ZBTB20: variants seen among roughly 807,000 people sequenced by gnomAD.
The protein encoded by ZBTB20 is zinc finger and BTB domain containing 20.
Under a neutral mutation model 56.9 loss-of-function variants are expected in ZBTB20, and 9 were observed. The observed-to-expected ratio is 0.16, with a 90% CI of 0.10 to 0.28. The LOEUF (loss-of-function observed/expected upper bound fraction) is 0.28, where lower values mean the gene tolerates loss of function less well. ZBTB20 is among the 10% of genes least tolerant of loss of function. The probability of loss-of-function intolerance (pLI) is 1.00; values close to 1 mark genes in which losing one functional copy is unlikely to be tolerated. For synonymous variants in ZBTB20, 417 were observed against 420.7 expected (o/e 0.99, Z 0.11); for missense variants, 655 against 1,003.0 (o/e 0.65, Z 4.69).
At chr3:114,922,298 C>A (rs796800618) in intron 3 of ZBTB20, among the ~76,000 whole-genome samples, 5 of 152,134 alleles carry the variant, frequency 3.3e-5, no homozygotes, top group African/African-American at 4.8e-5. Flanking sequence ...CTCACTATTT[C>A]TATTAAACAT....
intron 6 of ZBTB20, among the ~76,000 whole-genome samples, chr3:114,656,980 A>G (rs2108043904): frequency 6.6e-6 from 1 of 152,292 alleles, no homozygotes; most frequent in Admixed American, 6.5e-5. Context: ...ATATATTTAT[A>G]ATTTCTGCTT....
At chr3:114,933,597 G>T (rs2076431039) in intron 3 of ZBTB20, among the ~76,000 whole-genome samples, 1 of 152,200 alleles carries the variant, frequency 6.6e-6, no homozygotes, top group African/African-American at 2.4e-5. Flanking sequence ...GTGAGTGGTG[G>T]AAGGAAACAG....
chr3:114,693,926 A>T (rs2062844255), intron 5 of ZBTB20, among the ~76,000 whole-genome samples: 1 of 152,118 alleles, frequency 6.6e-6, no homozygotes. Flanking sequence ...AACCACTGTA[A>T]ACCACTAGGA....
intron 4 of ZBTB20, among the ~76,000 whole-genome samples, chr3:114,849,495 T>C (rs2074887909): frequency 6.6e-6 from 1 of 152,214 alleles, no homozygotes; most frequent in Non-Finnish European, 1.5e-5. Flanking sequence ...CATAGCAAAC[T>C]ATAAGTCTTA....
intron 6 of ZBTB20, among the ~76,000 whole-genome samples, chr3:114,657,799 TG>T (rs1335764135): frequency 3.9e-5 from 6 of 151,936 alleles, no homozygotes; most frequent in Middle Eastern, 3.4e-3. Flanking sequence ...ATAATTGTGG[TG>T]TTTTTTTTTT....
chr3:114,728,120 A>G (rs1325501921), intron 5 of ZBTB20, among the ~76,000 whole-genome samples: 1 of 152,228 alleles, frequency 6.6e-6, no homozygotes, highest in Non-Finnish European at 1.5e-5. Flanking sequence ...CAACAACATG[A>G]GGCCTCTAAT....
At position 114,335,082 on chromosome 3, in the gene ZBTB20, T is replaced by C. The variant is rs2079404983; in HGVS notation, c.*3923A>G. The C allele has an allele frequency of 6.6e-6, 1 of 152,136 alleles. No individual in the cohort carries two copies. The highest frequency in any genetic ancestry group is 1.5e-5 in the Non-Finnish European group (1 of 68,016). 9.4% of individuals were successfully genotyped at this position (152,136 alleles called of 1,614,324 possible). ...TGTTTTTAGTGGTAGAAAATATTAT[T>C]TTTTTATAAACCATATCTAAATATC... On this transcript the variant is annotated 3_prime_UTR_variant, in exon 12 of 12. Transcript: ENST00000675478.
At chr3:114,803,472 C>G (rs1474359389) in intron 4 of ZBTB20, among the ~76,000 whole-genome samples, 1 of 151,830 alleles carries the variant, frequency 6.6e-6, no homozygotes, top group Non-Finnish European at 1.5e-5. Context: ...ACAGATGGAT[C>G]TTACTTTGCG....
intron 6 of ZBTB20, chr3:114,658,281 T>C (rs887732870): frequency 1.3e-5 from 2 of 152,202 alleles, no homozygotes; most frequent in African/African-American, 2.4e-5. Flanking sequence ...TGTGGTACAG[T>C]TGTGTAGGGA....
chr3:114,942,312 A>G (rs1048236801), intron 3 of ZBTB20, among the ~76,000 whole-genome samples: 6 of 145,934 alleles, frequency 4.1e-5, no homozygotes, highest in African/African-American at 1.7e-4. Flanking sequence ...AGTTTTGGCT[A>G]GAGAAATTAC....
chr3:114,488,518 T>C (rs1022584919), intron 7 of ZBTB20, among the ~76,000 whole-genome samples: 1 of 152,242 alleles, frequency 6.6e-6, no homozygotes, highest in African/African-American at 2.4e-5. Flanking sequence ...GTTTTATGCC[T>C]GGAAAATGCA....
At chr3:114,409,474 G>T (rs1211767802) in intron 7 of ZBTB20, among the ~76,000 whole-genome samples, 2 of 151,960 alleles carry the variant, frequency 1.3e-5, no homozygotes, top group East Asian at 3.9e-4. Flanking sequence ...ATGGCTGAAG[G>T]CACTACAGCA....
chr3:114,985,852 A>G (rs1393185985), intron 2 of ZBTB20, among the ~76,000 whole-genome samples: 1 of 152,138 alleles, frequency 6.6e-6, no homozygotes, highest in African/African-American at 2.4e-5. Context: ...GTGCCAAATA[A>G]TAAATATTTT....
intron 5 of ZBTB20, among the ~76,000 whole-genome samples, chr3:114,759,974 C>T (rs1368703522): frequency 1.3e-5 from 2 of 151,930 alleles, no homozygotes; most frequent in Non-Finnish European, 2.9e-5. Context: ...GTCCATTATG[C>T]AAAAGTAATG....
At chr3:114,774,701 T>C (rs978150546) in intron 5 of ZBTB20, among the ~76,000 whole-genome samples, 5 of 152,144 alleles carry the variant, frequency 3.3e-5, no homozygotes, top group Admixed American at 3.3e-4. Flanking sequence ...CCAGGAACAT[T>C]TAAAAATACA....
intron 5 of ZBTB20, among the ~76,000 whole-genome samples, chr3:114,694,182 G>A (rs554150355): frequency 1.3e-3 from 198 of 152,112 alleles, no homozygotes; most frequent in Non-Finnish European, 2.4e-3. Context: ...CAAATGGAAC[G>A]AGTGAACTGA....
At chr3:114,514,902 T>A (rs1441500135) in intron 6 of ZBTB20, among the ~76,000 whole-genome samples, 1 of 152,224 alleles carries the variant, frequency 6.6e-6, no homozygotes, top group Non-Finnish European at 1.5e-5. Flanking sequence ...TTTATTGCCA[T>A]TGACCCATGG....
At chr3:114,787,910 A>T (rs1258609917) in intron 5 of ZBTB20, among the ~76,000 whole-genome samples, 1 of 152,164 alleles carries the variant, frequency 6.6e-6, no homozygotes, top group South Asian at 2.1e-4. Flanking sequence ...AATGTCTAAC[A>T]TAGCTACAAA....
intron 6 of ZBTB20, among the ~76,000 whole-genome samples, chr3:114,585,097 C>T (rs769156930): frequency 3.3e-5 from 5 of 152,036 alleles, no homozygotes; most frequent in Non-Finnish European, 7.4e-5. Flanking sequence ...ACTACACACT[C>T]GAGGAACCCC....
Sources: gnomAD v4.1 joint callset for allele counts (sites outside exome capture counted in the v4.1 genomes callset) on GRCh38, gnomAD v4.1.1 for gene constraint, MANE v1.5 for transcripts, NCBI Gene and HGNC (gene_info 2026-07-23, HGNC 2026-07-21) for gene names.